The following TENM4 variants were observed in gnomAD, a reference collection of about 807,000 sequenced individuals.
TENM4 encodes teneurin transmembrane protein 4.
A neutral mutation model predicts 243.3 loss-of-function variants in TENM4; 82 were observed. The observed-to-expected ratio is 0.34, with a 90% confidence interval of 0.28 to 0.40. The LOEUF (loss-of-function observed/expected upper bound fraction) is 0.40, where lower values mean the gene tolerates loss of function less well. Ranked by LOEUF, TENM4 falls within the 10% of genes least tolerant of loss-of-function variation. TENM4 has a pLI of 1.00. For synonymous variants in TENM4, 1,412 were observed against 1,456.3 expected, an observed-to-expected ratio of 0.97 and a Z score of 0.69; for missense variants, 3,138 against 3,673.3, an observed-to-expected ratio of 0.85 and a Z score of 3.77.
intron 25 of TENM4, among the ~76,000 whole-genome samples, chr11:78,717,495 G>A (rs1263122378): frequency 6.6e-6 from 1 of 152,256 alleles, no homozygotes; most frequent in Non-Finnish European, 1.5e-5. Context: ...ACTTGGCTAA[G>A]TGACCCTGGT....
chr11:79,208,203 G>A (rs763024569), intron 3 of TENM4, among the ~76,000 whole-genome samples: 4 of 152,120 alleles, frequency 2.6e-5, no homozygotes, highest in Non-Finnish European at 4.4e-5. Context: ...ATTCCAGTGG[G>A]GCAGACAGAA....
chr11:79,058,418 G>A (rs1434471083), intron 6 of TENM4, among the ~76,000 whole-genome samples: 16 of 151,986 alleles, frequency 1.1e-4, no homozygotes, highest in African/African-American at 2.2e-4. Flanking sequence ...GGTGGTGGGC[G>A]CCTGTAGTCC....
rs1860361255 is a variant in TENM4, at chr11:79,069,802, T to C, written c.143A>G (p.Tyr48Cys). The C allele has an allele frequency of 1.3e-6, 2 of 1,551,228 alleles. No homozygotes were observed. The highest frequency in any genetic ancestry group is 1.2e-5 in the South Asian group (1 of 84,060). ...ATAGGCTAGGCGGGCGTCCTGGTCGTAGGCCTTCAGGGTCTCGCTGGAGCT... is the reference window on the plus strand; with the variant it reads ...ATAGGCTAGGCGGGCGTCCTGGTCGCAGGCCTTCAGGGTCTCGCTGGAGCT... ...SYSSSETLKA[Y>C]DQDARLAYGS... The change falls in exon 5 of 34, where the codon TAC (tyrosine) becomes TGC (cysteine). Residue 48 changes from tyrosine (Y) to cysteine (C), a missense_variant. By Grantham distance (194) the Tyr-to-Cys change is radical. Transcript: ENST00000278550.
At chr11:78,827,851 A>T (rs1450504963) in intron 12 of TENM4, among the ~76,000 whole-genome samples, 2 of 152,174 alleles carry the variant, frequency 1.3e-5, no homozygotes, top group African/African-American at 2.4e-5. Context: ...AGCAAGATAG[A>T]GCTCTCATTT....
intron 1 of TENM4, among the ~76,000 whole-genome samples, chr11:79,348,092 T>C (rs1259387132): frequency 6.6e-6 from 1 of 152,222 alleles, no homozygotes; most frequent in Non-Finnish European, 1.5e-5. Flanking sequence ...CTCACTTCTT[T>C]TGATAAGACT....
intron 6 of TENM4, among the ~76,000 whole-genome samples, chr11:78,968,721 G>A (rs1055605656): frequency 1.3e-5 from 2 of 152,158 alleles, no homozygotes; most frequent in South Asian, 4.2e-4. Context: ...TTTTTCAGGT[G>A]AAGAAACAGA....
intron 4 of TENM4, among the ~76,000 whole-genome samples, chr11:79,088,770 CAGTCA>C (rs1198396179): frequency 9.2e-5 from 14 of 152,302 alleles, no homozygotes; most frequent in Non-Finnish European, 1.6e-4. Context: ...TTTGTTTATT[CAGTCA>C]TCACTGAACA....
At chr11:78,725,343 AG>A (rs1175694830) in intron 23 of TENM4, among the ~76,000 whole-genome samples, 7 of 152,222 alleles carry the variant, frequency 4.6e-5, no homozygotes, top group African/African-American at 1.7e-4. Flanking sequence ...TTTTTAGATC[AG>A]GCAGGTGATA....
At chr11:78,866,619 G>A (rs1858984018) in intron 9 of TENM4, among the ~76,000 whole-genome samples, 2 of 152,008 alleles carry the variant, frequency 1.3e-5, no homozygotes, top group South Asian at 4.2e-4. Flanking sequence ...TGGGGGGAGG[G>A]GTGTTGGCAC....
intron 6 of TENM4, among the ~76,000 whole-genome samples, chr11:78,989,342 A>C (rs1857987533): frequency 6.6e-6 from 1 of 152,186 alleles, no homozygotes; most frequent in Admixed American, 6.5e-5. Context: ...TGTCTGAGGC[A>C]GATGTTTTAA....
At chr11:79,254,582 T>C (rs773169277) in intron 2 of TENM4, among the ~76,000 whole-genome samples, 14 of 152,220 alleles carry the variant, frequency 9.2e-5, no homozygotes, top group Admixed American at 2.0e-4. Context: ...GCACATCCAA[T>C]TTTTTAAAGT....
Position 79,069,849 on chromosome 11 carries a change from G to T in TENM4, c.96C>A (p.Gly32=). ...YTSSSADSEE[G]KAPQKSYSSS... ...AGCTGTACGATTTCTGCGGGGCTTT[G>T]CCCTCCTCGCTGTCCGCGGACGAGC... is the stretch of plus-strand genomic sequence containing the variant. Residue 32 remains glycine (G), a synonymous_variant, in exon 5 of 34, where the codon GGC becomes GGA. Coordinates refer to ENST00000278550, the MANE Select transcript of TENM4 (RefSeq NM_001098816.3). The T allele has an allele frequency of 1.9e-6, 3 of 1,550,536 alleles. No individual in the cohort carries two copies. In the South Asian group the frequency reaches 3.6e-5, roughly 18 times the overall value.
rs1405767852 is a variant in TENM4 at position 78,854,218 on chromosome 11, G to T, written c.1567C>A (p.Pro523Thr). The T allele has an allele frequency of 6.4e-7, 1 of 1,551,554 alleles. No individual in the cohort carries two copies. Among genetic ancestry groups the T allele is most frequent in the Non-Finnish European group, 8.7e-7 (1 of 1,146,928 alleles). ...ATGAAGCCTGTCTCATGGCTGGAGG[G>T]GGGCACAGTTCCCCGAGACTGGCGC... is the stretch of plus-strand genomic sequence containing the variant. ...TPRQSRGTVP[P>T]SSHETGFIQY... Residue 523 changes from proline (P) to threonine (T), a missense_variant, in exon 12 of 34, where the codon CCC becomes ACC. Pro to Thr is a conservative substitution (Grantham distance 38, BLOSUM62 -1). This residue lies in a region of TENM4 where 2,467 missense variants were observed against 3,059.1 expected (regional missense o/e 0.81). Coordinates refer to ENST00000278550, the MANE Select transcript of TENM4 (RefSeq NM_001098816.3).
intron 1 of TENM4, among the ~76,000 whole-genome samples, chr11:79,325,299 T>G (rs1476566622): frequency 1.3e-5 from 2 of 152,194 alleles, no homozygotes. Flanking sequence ...TAGGCTACCT[T>G]CATCCTGTCA....
intron 33 of TENM4, 124 bp downstream of exon 33, chr11:78,661,325 G>T (rs1341277883): frequency 7.8e-7 from 1 of 1,283,134 alleles, no homozygotes; most frequent in Admixed American, 2.3e-5. Context: ...ACAACCTCTG[G>T]CAGGCACTGT....
At chr11:79,393,197 T>C (rs1469028057) in intron 1 of TENM4, among the ~76,000 whole-genome samples, 2 of 152,118 alleles carry the variant, frequency 1.3e-5, no homozygotes, top group Admixed American at 1.3e-4. Flanking sequence ...GGTTTAGACC[T>C]CAAAACAGCC....
At chr11:79,277,825 C>G (rs1228930331) in intron 2 of TENM4, among the ~76,000 whole-genome samples, 3 of 152,096 alleles carry the variant, frequency 2.0e-5, no homozygotes, top group African/African-American at 4.8e-5. Flanking sequence ...TGAGGGTCTT[C>G]TTTATTTTGA....
At chr11:79,073,910 G>T (rs957895257) in intron 4 of TENM4, among the ~76,000 whole-genome samples, 8 of 152,230 alleles carry the variant, frequency 5.3e-5, no homozygotes, top group Non-Finnish European at 8.8e-5. Flanking sequence ...AGTTATAACT[G>T]GGGAAGGGGC....
chr11:79,349,691 A>AAAT (rs1338548810), intron 1 of TENM4, among the ~76,000 whole-genome samples: 1 of 152,220 alleles, frequency 6.6e-6, no homozygotes, highest in Non-Finnish European at 1.5e-5. Flanking sequence ...ATTGTGGAAA[A>AAAT]AATAAGGCAG....
Sources: gnomAD v4.1 joint callset for allele counts (sites outside exome capture counted in the v4.1 genomes callset) on GRCh38, gnomAD v4.1.1 for gene constraint, gnomAD v4.1.1 regional missense constraint, MANE v1.5 for transcripts, NCBI Gene and HGNC (gene_info 2026-07-23, HGNC 2026-07-21) for gene names.